SLC1A3: variants seen among roughly 807,000 people sequenced by gnomAD.
SLC1A3 encodes the protein solute carrier family 1 member 3, also known as excitatory amino acid transporter 1.
Under a neutral mutation model 48.1 loss-of-function variants are expected in SLC1A3, and 21 were observed. The observed-to-expected ratio is 0.44, with a 90% CI of 0.31 to 0.63. The LOEUF is 0.63. Ranked by LOEUF, SLC1A3 falls within the 20% of genes least tolerant of loss-of-function variation. The pLI is 0.08. For missense variants in SLC1A3, 546 were observed against 689.0 expected, an observed-to-expected ratio of 0.79 and a Z score of 2.32; for synonymous variants, 239 against 251.4, an observed-to-expected ratio of 0.95 and a Z score of 0.47.
Position 36,679,779 on chromosome 5 carries a change from T to G in SLC1A3, c.1013T>G (p.Phe338Cys). The change falls in exon 7 of 10, where the codon TTC becomes TGC. Residue 338 changes from phenylalanine (F) to cysteine (C), a missense_variant. By Grantham distance (205) the Phe-to-Cys change is radical. Transcript: ENST00000265113. ...HAVIVLPLLY[F>C]LVTRKNPWVF... ...GTCATCGTCTTGCCACTCCTCTACT[T>G]CTTGGTAACACGGAAAAACCCTTGG... is the stretch of plus-strand genomic sequence containing the variant. The G allele has an allele frequency of 6.2e-7, 1 of 1,614,196 alleles. No individual in the cohort carries two copies. Among genetic ancestry groups the G allele is most frequent in the Non-Finnish European group, 8.5e-7 (1 of 1,180,038 alleles).
intron 2 of SLC1A3, chr5:36,609,195 T>C (rs1230668182): frequency 1.0e-6 from 1 of 982,542 alleles, no homozygotes; most frequent in Non-Finnish European, 1.2e-6. Flanking sequence ...CATAACCAGC[T>C]ATACCTTTTT....
intron 3 of SLC1A3, among the ~76,000 whole-genome samples, chr5:36,654,297 C>G (rs1741204865): frequency 6.6e-6 from 1 of 152,178 alleles, no homozygotes; most frequent in Non-Finnish European, 1.5e-5. Context: ...TGGAAATGTT[C>G]TCGTGCTGCA....
At chr5:36,654,231 A>G (rs537818911) in intron 3 of SLC1A3, among the ~76,000 whole-genome samples, 1 of 152,300 alleles carries the variant, frequency 6.6e-6, no homozygotes, top group Admixed American at 6.5e-5. Context: ...CTGTTAGGAA[A>G]CACAGTGAAA....
intron 2 of SLC1A3, chr5:36,612,899 T>C (rs1263019385): frequency 2.2e-6 from 1 of 453,220 alleles, no homozygotes; most frequent in Non-Finnish European, 4.4e-6. Flanking sequence ...GCTGAGGGTC[T>C]GCCTGAGGTA....
intron 8 of SLC1A3, among the ~76,000 whole-genome samples, chr5:36,681,973 T>C (rs1377160649): frequency 1.3e-5 from 2 of 152,196 alleles, no homozygotes; most frequent in African/African-American, 4.8e-5. Context: ...GATGGAAAAA[T>C]TGCAAACGTT....
rs142705628 is a variant in SLC1A3 at position 36,616,447 on chromosome 5, G to T, written c.181+7843G>T. On this transcript the variant is annotated intron_variant, in intron 2 of 9. Coordinates refer to ENST00000265113, the MANE Select transcript of SLC1A3 (RefSeq NM_004172.5). ...CAAAGATTGGCAGGTAAATTTAGGC[G>T]CAGCAAATTGAAAGGCACAACCAAG... Among the ~76,000 whole-genome samples, 35 of 152,200 alleles carry T rather than the reference G, an allele frequency of 2.3e-4. No homozygotes were observed. The East Asian group carries it at 6.6e-3, about 29-fold the overall frequency.
chr5:36,647,121 A>G (rs1431723961), intron 3 of SLC1A3, among the ~76,000 whole-genome samples: 1 of 152,212 alleles, frequency 6.6e-6, no homozygotes, highest in Non-Finnish European at 1.5e-5. Context: ...ATATGACACC[A>G]CATTACAAAA....
In SLC1A3 at chr5:36,681,827, T is replaced by A. The variant is rs938064610; in HGVS notation, c.1289+1238T>A. On this transcript the variant is annotated intron_variant, in intron 8 of 9. Coordinates refer to ENST00000265113, the MANE Select transcript of SLC1A3 (RefSeq NM_004172.5). ...CTCTTCATTGTTGTGGGGTTTTTTT[T>A]AAATTGTTATTAAAAGTACATTTTG... Among the ~76,000 whole-genome samples, 34 of 152,182 alleles carry A rather than the reference T, an allele frequency of 2.2e-4. 1 individual carries two copies. In the South Asian group the frequency reaches 2.3e-3, roughly 10 times the overall value.
At chr5:36,658,470 G>A (rs963089443) in intron 3 of SLC1A3, among the ~76,000 whole-genome samples, 11 of 152,284 alleles carry the variant, frequency 7.2e-5, no homozygotes, top group African/African-American at 2.6e-4. Context: ...GAGAAATGAT[G>A]CATATTGAGT....
intron 3 of SLC1A3, among the ~76,000 whole-genome samples, chr5:36,634,531 C>T (rs765489541): frequency 6.6e-6 from 1 of 152,176 alleles, no homozygotes; most frequent in Non-Finnish European, 1.5e-5. Context: ...TGCAGTGTCC[C>T]TTCCAAATGA....
At chr5:36,666,136 T>G (rs1741737142) in intron 3 of SLC1A3, 1 of 152,170 alleles carries the variant, frequency 6.6e-6, no homozygotes, top group Non-Finnish European at 1.5e-5. Context: ...AGGATGGCAG[T>G]GTACCCTGGA....
upstream of SLC1A3, among the ~76,000 whole-genome samples, chr5:36,604,005 T>C (rs1014781393): frequency 6.6e-6 from 1 of 152,248 alleles, no homozygotes; most frequent in Non-Finnish European, 1.5e-5. Flanking sequence ...CACGTGCTTA[T>C]TACCGTAATC....
At chr5:36,607,069 T>C (rs988708113) in intron 1 of SLC1A3, 2 of 152,162 alleles carry the variant, frequency 1.3e-5, no homozygotes, top group Non-Finnish European at 2.9e-5. Context: ...GTCTCTCCTA[T>C]TTCCCGGTCT....
At chr5:36,633,639 A>G (rs1036255712) in intron 3 of SLC1A3, among the ~76,000 whole-genome samples, 1 of 152,164 alleles carries the variant, frequency 6.6e-6, no homozygotes, top group African/African-American at 2.4e-5. Flanking sequence ...TCCAGTTCCA[A>G]CTAAAAGGAG....
At chr5:36,667,764 A>G (rs1172929869) in intron 3 of SLC1A3, 2 of 152,238 alleles carry the variant, frequency 1.3e-5, no homozygotes, top group South Asian at 2.1e-4. Context: ...AAGAGCCATC[A>G]TGGTACTTAT....
At chr5:36,629,427 C>CTTT (rs78316512) in intron 2 of SLC1A3, 23 bp from the exon 3 acceptor site, 46 of 1,456,628 alleles carry the variant, frequency 3.2e-5, no homozygotes, top group African/African-American at 1.6e-4. Flanking sequence ...TTTTCTTTTT[C>CTTT]TTTTTTTTTT....
intron 3 of SLC1A3, among the ~76,000 whole-genome samples, chr5:36,640,800 T>G (rs748719856): frequency 6.6e-6 from 1 of 152,076 alleles, no homozygotes; most frequent in Non-Finnish European, 1.5e-5. Context: ...ACAATCTTGT[T>G]TCATCTATAA....
chr5:36,615,093 C>T (rs565634668), intron 2 of SLC1A3, among the ~76,000 whole-genome samples: 3 of 152,256 alleles, frequency 2.0e-5, no homozygotes, highest in African/African-American at 7.2e-5. Context: ...CTCTGTAGCA[C>T]GTAAGCTATG....
intron 3 of SLC1A3, among the ~76,000 whole-genome samples, chr5:36,656,333 G>A (rs578155957): frequency 2.0e-5 from 3 of 152,108 alleles, no homozygotes; most frequent in African/African-American, 4.8e-5. Context: ...TCAAATCTAC[G>A]TGTCACTAAA....
Sources: allele counts gnomAD v4.1 joint callset (sites outside exome capture counted in the v4.1 genomes callset), GRCh38; gene constraint gnomAD v4.1.1; transcripts MANE v1.5; gene names NCBI Gene and HGNC (gene_info 2026-07-23, HGNC 2026-07-21).